ARRB2: variants seen among roughly 807,000 people sequenced by gnomAD.
ARRB2 encodes the protein beta-arrestin-2.
ARRB2 carries 21 observed loss-of-function variants against 53.4 expected under a neutral mutation model. That is an observed-to-expected ratio of 0.39 (90% CI 0.28 to 0.57). The LOEUF is 0.57. Among genes scored for constraint, ARRB2 ranks in the 20% least tolerant of loss-of-function variants. ARRB2 has a pLI of 0.55. For synonymous variants in ARRB2, 180 were observed against 212.9 expected (o/e 0.85, Z 1.34); for missense variants, 369 against 527.5 (o/e 0.70, Z 2.94).
rs945098552 is a variant in ARRB2 at position 4,717,099 on chromosome 17, G to A, written c.358-118G>A. 2.4e-5 allele frequency: 29 copies of A among 1,195,992 alleles called. No homozygotes were observed. In the African/African-American group the frequency reaches 4.3e-4, roughly 18 times the overall value. The allele number at this position is 1,195,992 out of a possible 1,614,324, so 74.1% of individuals were successfully genotyped here. ...TCCGCCCACCTTAGCCTTCCAAAGT[G>A]TTGGGATTACAGGCATGAGCCACCA... On this transcript the variant is annotated intron_variant, in intron 5 of 14. Transcript: ENST00000269260. This position sits in a 1 kb window ranked among gnomAD's most constrained non-coding sequence, Gnocchi z 6.0.
chr17:4,714,491 G>T (rs895069534), intron 1 of ARRB2: 2 of 193,082 alleles, frequency 1.0e-5, no homozygotes, highest in Non-Finnish European at 2.1e-5. Flanking sequence ...GAGCCTGGGT[G>T]GTTCCTAGGG....
chr17:4,716,982 G>C (rs751694090), intron 5 of ARRB2: 6 of 586,776 alleles, frequency 1.0e-5, no homozygotes, highest in Admixed American at 3.0e-5. Flanking sequence ...TTACAGGCAC[G>C]CACCACCACA....
At chr17:4,718,108 G>C (rs941133976) in intron 8 of ARRB2, 85 bp downstream of exon 8, 1 of 1,588,002 alleles carries the variant, frequency 6.3e-7, no homozygotes. Context: ...GAGGACATTT[G>C]TAAAGGAGGT....
intron 4 of ARRB2, 54 bp from the exon 5 acceptor site, chr17:4,716,358 C>T: frequency 4.3e-6 from 7 of 1,613,934 alleles, no homozygotes; most frequent in Non-Finnish European, 5.9e-6. Flanking sequence ...TGCTAGGTGC[C>T]AGGGGACTGG....
At chr17:4,720,083 A>G (rs1399000590) in intron 11 of ARRB2, 133 bp from the exon 12 acceptor site, 6 of 877,638 alleles carry the variant, frequency 6.8e-6, no homozygotes, top group Non-Finnish European at 1.1e-5. Flanking sequence ...CCATAACCGC[A>G]CGGCCTGGGC....
At position 4,718,326 on chromosome 17, in the gene ARRB2, CAAG is replaced by C; in HGVS notation, c.692_694del (p.Lys231del). On this transcript the variant is annotated inframe_deletion, in exon 9 of 15. Transcript: ENST00000269260. ...TCACCAACAACTCCACCAAGACCGT[CAAG>C]AAGATCAAAGTCTCTGGTAGGAGGT... The C allele has an allele frequency of 1.2e-6, 2 of 1,611,694 alleles. No individual in the cohort carries two copies. Among genetic ancestry groups the C allele is most frequent in the Non-Finnish European group, 1.7e-6 (2 of 1,178,916 alleles).
At chr17:4,713,462 C>T (rs1204189269) in intron 1 of ARRB2, among the ~76,000 whole-genome samples, 26 of 152,056 alleles carry the variant, frequency 1.7e-4, no homozygotes, top group Admixed American at 1.6e-3. Context: ...GAAACCCCAT[C>T]TCTACTAAAA....
At chr17:4,716,712 G>T (rs1343175368) in intron 5 of ARRB2, 104 bp downstream of exon 5, 4 of 1,470,776 alleles carry the variant, frequency 2.7e-6, no homozygotes, top group Non-Finnish European at 3.6e-6. Flanking sequence ...AAACAGTGAG[G>T]CAGGGACCCT....
chr17:4,716,251 T>A (rs1324389962), intron 4 of ARRB2, 60 bp downstream of exon 4: 44 of 1,611,446 alleles, frequency 2.7e-5, no homozygotes, highest in Middle Eastern at 3.6e-4. Context: ...TGAAATGGGC[T>A]GGCCTTGGAA....
In ARRB2 at chr17:4,717,866, C is replaced by T. The variant is rs540637696; in HGVS notation, c.486-22C>T. The T allele has an allele frequency of 1.4e-4, 226 of 1,614,106 alleles. 1 individual carries two copies. In the South Asian group the frequency reaches 2.4e-3, roughly 17 times the overall value. On this transcript the variant is annotated intron_variant, in intron 7 of 14. Coordinates refer to ENST00000269260, the MANE Select transcript of ARRB2 (RefSeq NM_004313.4). The surrounding 1 kb of genome is among the most constrained non-coding windows in gnomAD (Gnocchi z 6.0). The stretch of plus-strand genomic sequence containing the variant: ...TTGGGGTGTGTGAGGAATGACCCCT[C>T]CTGCCCCTACTCTGATCCCAGGAAC...
At chr17:4,720,757 T>A in intron 14 of ARRB2, 117 bp downstream of exon 14, 1 of 1,104,920 alleles carries the variant, frequency 9.1e-7, no homozygotes, top group East Asian at 2.5e-5. Context: ...TAGCATCAAA[T>A]CAAGATGCCT....
chr17:4,712,262 A>T (rs1215469185), intron 1 of ARRB2, among the ~76,000 whole-genome samples: 1 of 152,250 alleles, frequency 6.6e-6, no homozygotes, highest in Non-Finnish European at 1.5e-5. Context: ...ATCGATGTGT[A>T]TTCTCTTTTA....
intron 1 of ARRB2, among the ~76,000 whole-genome samples, chr17:4,713,790 CAAAAAAA>C (rs562386798): frequency 1.7e-5 from 2 of 120,306 alleles, no homozygotes; most frequent in African/African-American, 3.2e-5. Context: ...ACTCCATCTC[CAAAAAAA>C]AAAAAAAAAT....
chr17:4,720,305 T>C lies in ARRB2; in HGVS notation c.1001+6T>C, dbSNP rs748737536. 6.2e-7 allele frequency: 1 copy of C among 1,613,518 alleles called. No homozygotes were observed. The highest frequency in any genetic ancestry group is 1.1e-5 in the South Asian group (1 of 91,052). On this transcript the variant is annotated splice_donor_region_variant and intron_variant, in intron 12 of 14. Coordinates refer to ENST00000269260, the MANE Select transcript of ARRB2 (RefSeq NM_004313.4). ...CTGGTGGTGTCTCGAGGCGGGTGAG[T>C]GTCATGGGGGAGCCTGGGTGGGGGT...
intron 2 of ARRB2, chr17:4,715,541 C>G: frequency 4.0e-6 from 1 of 250,262 alleles, no homozygotes; most frequent in Non-Finnish European, 7.8e-6. Context: ...GCTGAGTCCT[C>G]CCTGAGGATG....
intron 2 of ARRB2, 104 bp from the exon 3 acceptor site, chr17:4,715,869 A>G (rs1442754860): frequency 7.5e-7 from 1 of 1,329,202 alleles, no homozygotes; most frequent in Non-Finnish European, 1.1e-6. Flanking sequence ...CTCCTTCCTG[A>G]TAGCCCAGCC....
At position 4,715,780 on chromosome 17, in the gene ARRB2, C is replaced by T. The variant is rs1442984677; in HGVS notation, c.55-193C>T. 4.8e-6 allele frequency: 3 copies of T among 625,508 alleles called. No individual in the cohort carries two copies. The African/African-American group carries it at 5.5e-5, about 12-fold the overall frequency. The allele number at this position is 625,508 out of a possible 1,614,324, so 38.7% of individuals were successfully genotyped here. A position where few individuals can be genotyped will look rare whatever the true frequency, so the allele number is the denominator to read the frequency against. On this transcript the variant is annotated intron_variant, in intron 2 of 14. Coordinates refer to ENST00000269260, the MANE Select transcript of ARRB2 (RefSeq NM_004313.4). Reference sequence around the variant, plus strand: ...GGTGTGCAGAGATAAAGGAGCAGCTCAAAAGCCTAAAGGTCCACTAGTCTG... The same window carrying T: ...GGTGTGCAGAGATAAAGGAGCAGCTTAAAAGCCTAAAGGTCCACTAGTCTG...
chr17:4,712,627 G>A (rs1254833646), intron 1 of ARRB2, among the ~76,000 whole-genome samples: 3 of 152,240 alleles, frequency 2.0e-5, no homozygotes, highest in East Asian at 1.9e-4. Context: ...AGAGTGGATT[G>A]GAAGGAGTAA....
At position 4,716,044 on chromosome 17, in the gene ARRB2, C is replaced by T; in HGVS notation, c.115+11C>T. On this transcript the variant is annotated intron_variant, in intron 3 of 14. Transcript: ENST00000269260. ...AAGTGGACCCTGTAGGTAAGTTTTC[C>T]CAGAAAGGGACAGCTCGTTCCCCAA... The T allele has an allele frequency of 6.2e-7, 1 of 1,614,146 alleles. No individual in the cohort carries two copies. Among genetic ancestry groups the T allele is most frequent in the African/African-American group, 1.3e-5 (1 of 75,042 alleles).
Sources: allele counts gnomAD v4.1 joint callset (sites outside exome capture counted in the v4.1 genomes callset), GRCh38; gene constraint gnomAD v4.1.1; non-coding constraint Gnocchi (gnomAD v3.1); transcripts MANE v1.5; gene names NCBI Gene and HGNC (gene_info 2026-07-23, HGNC 2026-07-21).